RNF32: variants seen among roughly 807,000 people sequenced by gnomAD.
The protein encoded by RNF32 is ring finger protein 32.
A neutral mutation model predicts 41.0 loss-of-function variants in RNF32; 36 were observed. That is an observed-to-expected ratio of 0.88 (90% CI 0.67 to 1.16). The LOEUF (loss-of-function observed/expected upper bound fraction) is 1.16, where lower values mean the gene tolerates loss of function less well. RNF32 is among the 50% of genes most tolerant of loss of function. The pLI is 0.00. For synonymous variants in RNF32, 154 were observed against 160.9 expected (o/e 0.96, Z 0.32); for missense variants, 413 against 436.7 (o/e 0.95, Z 0.48).
chr7:156,655,234 C>G (rs565581243), intron 4 of RNF32, among the ~76,000 whole-genome samples: 40 of 147,708 alleles, frequency 2.7e-4, no homozygotes, highest in African/African-American at 1.0e-3. Flanking sequence ...AATATACACG[C>G]GCGCGCACAC....
rs962216131 is a variant in RNF32 at position 156,659,252 on chromosome 7, T to C, written c.684+682T>C. ...TGTTGGCCTGAGAAGAGCTGTAGCA[T>C]TTATAATGGCCCAGCACACAGTAGG... is the stretch of plus-strand genomic sequence containing the variant. On this transcript the variant is annotated intron_variant, in intron 7 of 8. Coordinates refer to ENST00000317955, the MANE Select transcript of RNF32 (RefSeq NM_030936.4). 2.6e-5 allele frequency: 27 copies of C among 1,055,444 alleles called. No individual in the cohort carries two copies. The Admixed American group carries it at 5.8e-4, about 23-fold the overall frequency. 65.4% of individuals were successfully genotyped at this position (1,055,444 alleles called of 1,614,324 possible).
intron 7 of RNF32, among the ~76,000 whole-genome samples, chr7:156,667,371 T>C (rs1216434016): frequency 6.6e-6 from 1 of 152,248 alleles, no homozygotes; most frequent in Non-Finnish European, 1.5e-5. Context: ...GCTTGTTACT[T>C]GTAAATGACC....
intron 3 of RNF32, among the ~76,000 whole-genome samples, chr7:156,651,042 T>C (rs1798646774): frequency 6.6e-6 from 1 of 152,132 alleles, no homozygotes; most frequent in Non-Finnish European, 1.5e-5. Context: ...TCATCACACT[T>C]GTAGCTGCTT....
intron 7 of RNF32, among the ~76,000 whole-genome samples, chr7:156,674,608 C>T (rs1018153211): frequency 6.6e-6 from 1 of 152,020 alleles, no homozygotes; most frequent in Non-Finnish European, 1.5e-5. Context: ...CCCGGGAGGC[C>T]GAGGCTGAGT....
intron 8 of RNF32, 27 bp downstream of exon 8, chr7:156,675,890 C>G (rs1365248856): frequency 1.2e-5 from 19 of 1,603,262 alleles, no homozygotes; most frequent in Middle Eastern, 3.3e-4. Context: ...GCCTGGCAAC[C>G]AGCAGACTCA....
intron 8 of RNF32, chr7:156,676,113 C>T (rs1398274012): frequency 3.2e-5 from 27 of 835,798 alleles, no homozygotes; most frequent in Non-Finnish European, 1.8e-6. Flanking sequence ...TAGGACTTTC[C>T]TCATGGGCTT....
At chr7:156,652,455 A>G (rs1243482972) in intron 3 of RNF32, among the ~76,000 whole-genome samples, 1 of 152,042 alleles carries the variant, frequency 6.6e-6, no homozygotes, top group African/African-American at 2.4e-5. Context: ...AGATGTCACA[A>G]CAACACCTAG....
intron 3 of RNF32, chr7:156,646,436 C>T: frequency 7.7e-7 from 1 of 1,303,802 alleles, no homozygotes; most frequent in Non-Finnish European, 1.0e-6. Context: ...TGTACTCTCC[C>T]TTTCCTCTTC....
At chr7:156,658,714 A>G in intron 7 of RNF32, 144 bp downstream of exon 7, 2 of 765,520 alleles carry the variant, frequency 2.6e-6, no homozygotes, top group Admixed American at 2.7e-5. Context: ...GCTGCTAAAA[A>G]TCCTGTTTAA....
chr7:156,646,230 T>C (rs1264903870), intron 3 of RNF32, among the ~76,000 whole-genome samples: 1 of 152,238 alleles, frequency 6.6e-6, no homozygotes, highest in Non-Finnish European at 1.5e-5. Flanking sequence ...TAGTACAAAC[T>C]GGGTGGGTTA....
intron 3 of RNF32, chr7:156,654,325 C>T (rs1016958702): frequency 5.8e-6 from 2 of 344,992 alleles, no homozygotes; most frequent in Non-Finnish European, 1.0e-5. Flanking sequence ...AGATGACTGG[C>T]AGTATACAGG....
intron 7 of RNF32, among the ~76,000 whole-genome samples, chr7:156,671,016 A>G (rs1802365417): frequency 6.6e-6 from 1 of 152,076 alleles, no homozygotes; most frequent in Non-Finnish European, 1.5e-5. Flanking sequence ...AAAATTAAGT[A>G]TGCTCAGATC....
In RNF32 at chr7:156,643,902, T is replaced by C. The variant is rs777578723; in HGVS notation, c.15+10T>C. ...CATGTTAAAAAATAAGGTACGCTAT[T>C]CTTTTCTTAAACATACACGTTATTT... On this transcript the variant is annotated intron_variant, in intron 2 of 8. Transcript: ENST00000317955. 1 of 1,608,434 alleles carries C rather than the reference T, an allele frequency of 6.2e-7. No individual in the cohort carries two copies. The highest frequency in any genetic ancestry group is 2.2e-5 in the East Asian group (1 of 44,850).
intron 7 of RNF32, among the ~76,000 whole-genome samples, chr7:156,672,746 G>A (rs1002165878): frequency 2.6e-5 from 4 of 152,164 alleles, no homozygotes; most frequent in Non-Finnish European, 5.9e-5. Flanking sequence ...TATGTGGCCC[G>A]CACACTTACT....
intron 3 of RNF32, among the ~76,000 whole-genome samples, chr7:156,648,048 G>A (rs1180091139): frequency 2.1e-5 from 3 of 146,000 alleles, no homozygotes; most frequent in Non-Finnish European, 3.0e-5. Flanking sequence ...TTTTCTTGCT[G>A]ATTTGTTTGA....
Position 156,669,079 on chromosome 7 carries a change from A to G in RNF32, c.685-6617A>G, listed in dbSNP as rs906899938. 4 of 152,234 alleles carry G rather than the reference A, an allele frequency of 2.6e-5. No individual in the cohort carries two copies. Among genetic ancestry groups the G allele is most frequent in the Admixed American group, 1.3e-4 (2 of 15,290 alleles). 9.4% of individuals were successfully genotyped at this position (152,234 alleles called of 1,614,324 possible). A position where few individuals can be genotyped will look rare whatever the true frequency, so the allele number is the denominator to read the frequency against. ...ATATAAATTAGACTCAACTGCATGAAAAGTCTATGCGAACTGCTTTCATGG... is the reference window on the plus strand; with the variant it reads ...ATATAAATTAGACTCAACTGCATGAGAAGTCTATGCGAACTGCTTTCATGG... On this transcript the variant is annotated intron_variant, in intron 7 of 8. Coordinates refer to ENST00000317955, the MANE Select transcript of RNF32 (RefSeq NM_030936.4). This position sits in a 1 kb window ranked among gnomAD's most constrained non-coding sequence, Gnocchi z 4.2.
chr7:156,654,661 AG>A lies in RNF32; in HGVS notation c.364del (p.Asp122ThrfsTer56), dbSNP rs1799325461. On this transcript the variant is annotated frameshift_variant, in exon 4 of 9. Coordinates refer to ENST00000317955, the MANE Select transcript of RNF32 (RefSeq NM_030936.4). LOFTEE classifies it high-confidence loss of function. ...AGGTGAAACAGCGCTCTCTCCTGCA[AG>A]GGGACTCCGTGCAACCATGCCCCAT... ...EKVKQRSLLQ[G>X]DSVQPCPICK... The A allele has an allele frequency of 6.2e-7, 1 of 1,613,994 alleles. No homozygotes were observed. Among genetic ancestry groups the A allele is most frequent in the Non-Finnish European group, 8.5e-7 (1 of 1,179,958 alleles).
intron 3 of RNF32, among the ~76,000 whole-genome samples, chr7:156,648,262 T>C (rs1563070863): frequency 6.6e-6 from 1 of 152,182 alleles, no homozygotes; most frequent in Non-Finnish European, 1.5e-5. Flanking sequence ...ATCTGTGTGT[T>C]GGAGTCACAC....
intron 7 of RNF32, among the ~76,000 whole-genome samples, chr7:156,664,514 T>G (rs1416911234): frequency 3.9e-5 from 6 of 152,186 alleles, no homozygotes; most frequent in African/African-American, 1.4e-4. Context: ...AGGTGGTAAT[T>G]TGTCCTGGTT....
Sources: allele counts gnomAD v4.1 joint callset (sites outside exome capture counted in the v4.1 genomes callset), GRCh38; gene constraint gnomAD v4.1.1; non-coding constraint Gnocchi (gnomAD v3.1); transcripts MANE v1.5; gene names NCBI Gene and HGNC (gene_info 2026-07-23, HGNC 2026-07-21).